The following GPC3 variants were observed in gnomAD, a reference collection of about 807,000 sequenced individuals.
GPC3 encodes the protein glypican-3.
A neutral mutation model predicts 34.4 loss-of-function variants in GPC3; 3 were observed. The ratio of observed to expected loss-of-function variants is 0.09; its 90% CI spans 0.04 to 0.23. The LOEUF is 0.23. Ranked by LOEUF, GPC3 falls within the 10% of genes least tolerant of loss-of-function variation. The probability of loss-of-function intolerance (pLI) is 1.00; values close to 1 mark genes in which losing one functional copy is unlikely to be tolerated. For missense variants in GPC3, 351 were observed against 445.6 expected, an observed-to-expected ratio of 0.79 and a Z score of 1.91; for synonymous variants, 177 against 174.0, an observed-to-expected ratio of 1.02 and a Z score of -0.13.
intron 7 of GPC3, among the ~76,000 whole-genome samples, chrX:133,544,212 T>C (rs1603145168): frequency 1.8e-5 from 2 of 111,674 alleles, no homozygotes; most frequent in Middle Eastern, 4.6e-3. Flanking sequence ...CCCTGGGTGA[T>C]AGAGTAAGAC....
intron 6 of GPC3, among the ~76,000 whole-genome samples, chrX:133,605,940 G>C (rs1215313974): frequency 5.4e-5 from 6 of 111,557 alleles, no homozygotes; most frequent in Non-Finnish European, 1.1e-4. Flanking sequence ...GCTTCCATAT[G>C]GTATCAGCAA....
At chrX:133,653,317 C>T (rs1312837716) in intron 6 of GPC3, among the ~76,000 whole-genome samples, 3 of 111,949 alleles carry the variant, frequency 2.7e-5, no homozygotes, top group African/African-American at 9.8e-5. Context: ...AGCACCTCTC[C>T]CACATTCCCT....
At chrX:133,951,039 T>C (rs1211669700) in intron 2 of GPC3, among the ~76,000 whole-genome samples, 1 of 88,503 alleles carries the variant, frequency 1.1e-5, no homozygotes, top group Non-Finnish European at 2.2e-5. Flanking sequence ...ATCCCCACAA[T>C]TCAAGAAAGT....
At chrX:133,573,868 G>C (rs771086093) in intron 7 of GPC3, among the ~76,000 whole-genome samples, 2 of 111,884 alleles carry the variant, frequency 1.8e-5, no homozygotes, top group South Asian at 7.5e-4. Flanking sequence ...CCCACTTTTT[G>C]GCTATAAACA....
chrX:133,828,820 A>T (rs1392223767), intron 2 of GPC3, among the ~76,000 whole-genome samples: 25 of 111,401 alleles, frequency 2.2e-4, no homozygotes, highest in Non-Finnish European at 1.5e-4. Flanking sequence ...AAATTGCTTT[A>T]AGAATAGATT....
intron 5 of GPC3, among the ~76,000 whole-genome samples, chrX:133,680,638 T>A (rs1326669322): frequency 4.5e-5 from 5 of 112,157 alleles, no homozygotes; most frequent in Admixed American, 9.5e-5. Context: ...TGGGAAATCA[T>A]GACTGATTTT....
chrX:133,585,896 AGATT>A, intron 7 of GPC3, among the ~76,000 whole-genome samples: 1 of 112,535 alleles, frequency 8.9e-6, no homozygotes, highest in Middle Eastern at 4.6e-3. Flanking sequence ...CTTAATTTGA[AGATT>A]GATTAGAAAA....
intron 2 of GPC3, among the ~76,000 whole-genome samples, chrX:133,917,990 A>C (rs2076232249): frequency 8.9e-6 from 1 of 112,256 alleles, no homozygotes; most frequent in Non-Finnish European, 1.9e-5. Context: ...AAATTGAAAA[A>C]CGTAGGTGAA....
intron 2 of GPC3, chrX:133,763,555 G>A: frequency 5.4e-6 from 3 of 560,307 alleles, no homozygotes; most frequent in Non-Finnish European, 9.6e-6. Flanking sequence ...AGGCGTGCAG[G>A]TGCCCTCTGT....
chrX:133,702,597 C>A (rs999212043), intron 3 of GPC3, among the ~76,000 whole-genome samples: 2 of 111,474 alleles, frequency 1.8e-5, no homozygotes, highest in East Asian at 2.8e-4. Context: ...CCCCCTCCCC[C>A]CTCACCAACC....
chrX:133,646,061 T>G (rs2070541441), intron 6 of GPC3, among the ~76,000 whole-genome samples: 2 of 94,457 alleles, frequency 2.1e-5, no homozygotes, highest in Admixed American at 2.4e-4. Flanking sequence ...TTGAAGACTA[T>G]AGTACTATAA....
At chrX:133,891,112 A>G (rs534553874) in intron 2 of GPC3, among the ~76,000 whole-genome samples, 54 of 111,758 alleles carry the variant, frequency 4.8e-4, no homozygotes, top group Middle Eastern at 4.6e-3. Context: ...AAAAGGAATG[A>G]AGTTCTGATA....
At chrX:133,921,385 C>T (rs1273132798) in intron 2 of GPC3, among the ~76,000 whole-genome samples, 2 of 112,010 alleles carry the variant, frequency 1.8e-5, no homozygotes, top group African/African-American at 6.5e-5. Flanking sequence ...TGGAATAGAA[C>T]TTTGAGGTGG....
At chrX:133,772,437 C>A (rs2071932815) in intron 2 of GPC3, among the ~76,000 whole-genome samples, 1 of 111,641 alleles carries the variant, frequency 9.0e-6, no homozygotes, top group Non-Finnish European at 1.9e-5. Flanking sequence ...ATACATTCAC[C>A]ATGATAGGTC....
intron 5 of GPC3, among the ~76,000 whole-genome samples, chrX:133,685,761 T>TG (rs2070995039): frequency 9.2e-6 from 1 of 108,109 alleles, no homozygotes; most frequent in Admixed American, 1.0e-4. Context: ...AACATAGTTT[T>TG]TTTTTTTTTT....
intron 1 of GPC3, among the ~76,000 whole-genome samples, chrX:133,959,491 T>C (rs780521134): frequency 3.3e-4 from 37 of 112,236 alleles, no homozygotes; most frequent in Non-Finnish European, 5.4e-4. Context: ...CAGGCACTAG[T>C]GGGCAGCAAA....
chrX:133,816,812 C>T (rs2075694090), intron 2 of GPC3, among the ~76,000 whole-genome samples: 1 of 111,852 alleles, frequency 8.9e-6, no homozygotes, highest in Admixed American at 9.5e-5. Context: ...CCACCCTCAG[C>T]TTATTGCACA....
intron 6 of GPC3, among the ~76,000 whole-genome samples, chrX:133,621,609 C>T (rs1261057227): frequency 8.9e-6 from 1 of 112,020 alleles, no homozygotes; most frequent in East Asian, 2.8e-4. Flanking sequence ...GGGGGAGGGG[C>T]GTCTGCCATT....
chrX:133,626,993 G>T (rs1353581007), intron 6 of GPC3, among the ~76,000 whole-genome samples: 3 of 108,613 alleles, frequency 2.8e-5, no homozygotes, highest in Non-Finnish European at 5.7e-5. Context: ...CTGTAAAAAA[G>T]GATGAGTTCA....
Sources: gnomAD v4.1 joint callset for allele counts (sites outside exome capture counted in the v4.1 genomes callset) on GRCh38, gnomAD v4.1.1 for gene constraint, MANE v1.5 for transcripts, NCBI Gene and HGNC (gene_info 2026-07-23, HGNC 2026-07-21) for gene names.